SAMD8: variants seen among roughly 807,000 people sequenced by gnomAD.
SAMD8 encodes sterile alpha motif domain containing 8, also known as sphingomyelin synthase-related protein 1.
A neutral mutation model predicts 42.0 loss-of-function variants in SAMD8; 20 were observed. The observed-to-expected ratio is 0.48, with a 90% CI of 0.34 to 0.69. The LOEUF (loss-of-function observed/expected upper bound fraction) is 0.69, where lower values mean the gene tolerates loss of function less well. Among genes scored for constraint, SAMD8 ranks in the 30% least tolerant of loss-of-function variants. The pLI, the probability that SAMD8 is intolerant of heterozygous loss-of-function variation, is 0.01. For synonymous variants in SAMD8, 162 were observed against 173.0 expected (o/e 0.94, Z 0.50); for missense variants, 328 against 511.6 (o/e 0.64, Z 3.46).
rs1848832014 is a variant in SAMD8, at chr10:75,114,375, A to G, written c.-16+2653A>G. 2.0e-5 allele frequency among the ~76,000 whole-genome samples: 3 copies of G among 151,902 alleles called. No homozygotes were observed. In the South Asian group the frequency reaches 6.2e-4, roughly 32 times the overall value. Reference sequence around the variant, plus strand: ...CGGTTTCTCTAAGGCAGAAGAAGCCATCATGACTGCGATGGCAGAATATGC... The same window carrying G: ...CGGTTTCTCTAAGGCAGAAGAAGCCGTCATGACTGCGATGGCAGAATATGC... On this transcript the variant is annotated intron_variant, in intron 1 of 5. Coordinates refer to ENST00000542569, the MANE Select transcript of SAMD8 (RefSeq NM_001174156.2).
intron 3 of SAMD8, 110 bp from the exon 4 acceptor site, chr10:75,168,431 G>T (rs574770043): frequency 1.3e-6 from 2 of 1,518,504 alleles, no homozygotes; most frequent in South Asian, 1.3e-5. Flanking sequence ...CCTCTTCAAA[G>T]AGTCTAGTGA....
chr10:75,173,982 A>T (rs557003198), intron 4 of SAMD8, among the ~76,000 whole-genome samples: 1 of 152,374 alleles, frequency 6.6e-6, no homozygotes, highest in Non-Finnish European at 1.5e-5. Flanking sequence ...TAACATATAA[A>T]GCACTTAGCA....
At chr10:75,145,387 T>C (rs558644681) in intron 1 of SAMD8, among the ~76,000 whole-genome samples, 1 of 152,386 alleles carries the variant, frequency 6.6e-6, no homozygotes, top group Admixed American at 6.5e-5. Context: ...AGTGATACTT[T>C]CCTGCTTCTT....
chr10:75,181,700 G>A lies in SAMD8; in HGVS notation c.*5008G>A, dbSNP rs1423169777. 1 of 152,170 alleles carries A rather than the reference G, an allele frequency of 6.6e-6. No individual in the cohort carries two copies. Among genetic ancestry groups the A allele is most frequent in the African/African-American group, 2.4e-5 (1 of 41,428 alleles). The allele number at this position is 152,170 out of a possible 1,614,324, so 9.4% of individuals were successfully genotyped here. On this transcript the variant is annotated 3_prime_UTR_variant, in exon 6 of 6. Coordinates refer to ENST00000542569, the MANE Select transcript of SAMD8 (RefSeq NM_001174156.2). Reference sequence around the variant, plus strand: ...GGTCTCTTTCAATCTGAAGAACTGGGTTGTCTGGAGAATTGAACATAGCCA... The same window carrying A: ...GGTCTCTTTCAATCTGAAGAACTGGATTGTCTGGAGAATTGAACATAGCCA...
intron 4 of SAMD8, among the ~76,000 whole-genome samples, chr10:75,173,837 A>G (rs182290128): frequency 1.3e-5 from 2 of 152,162 alleles, no homozygotes; most frequent in African/African-American, 4.8e-5. Flanking sequence ...TCTTTAAGAC[A>G]TAGGGCTTTG....
chr10:75,105,705 C>T (rs373934068), intron 1 of SAMD8: 9 of 1,551,966 alleles, frequency 5.8e-6, no homozygotes, highest in Admixed American at 1.9e-5. Context: ...GCTGGTCCAG[C>T]CTGCAGAGCT....
At chr10:75,167,175 A>G (rs561554770) in intron 3 of SAMD8, among the ~76,000 whole-genome samples, 2 of 152,264 alleles carry the variant, frequency 1.3e-5, no homozygotes, top group East Asian at 3.9e-4. Flanking sequence ...TTTTTAAAAC[A>G]TAGTGTTTTA....
intron 4 of SAMD8, among the ~76,000 whole-genome samples, chr10:75,169,169 C>CAAAAAA (rs1023080854): frequency 6.6e-5 from 2 of 30,236 alleles, no homozygotes; most frequent in East Asian, 1.5e-3. Context: ...GACTCCATCT[C>CAAAAAA]AAAAAAAAAA....
intron 4 of SAMD8, among the ~76,000 whole-genome samples, chr10:75,169,169 CAAAAAAAAAAA>C (rs1023080854): frequency 1.7e-4 from 5 of 30,236 alleles, no homozygotes; most frequent in Non-Finnish European, 2.2e-4. Flanking sequence ...GACTCCATCT[CAAAAAAAAAAA>C]AAAAAAAAAA....
chr10:75,104,568 G>T (rs1000275529), intron 1 of SAMD8, among the ~76,000 whole-genome samples: 2 of 152,186 alleles, frequency 1.3e-5, no homozygotes, highest in African/African-American at 4.8e-5. Flanking sequence ...CTGATGCTCC[G>T]CCAGGTTCCT....
chr10:75,135,200 C>T (rs931120436), intron 1 of SAMD8, among the ~76,000 whole-genome samples: 1 of 152,184 alleles, frequency 6.6e-6, no homozygotes, highest in African/African-American at 2.4e-5. Context: ...TGCCTGTAAT[C>T]CCAGCACTTT....
At chr10:75,161,422 G>A (rs769272229) in intron 2 of SAMD8, among the ~76,000 whole-genome samples, 2 of 152,040 alleles carry the variant, frequency 1.3e-5, no homozygotes, top group Non-Finnish European at 2.9e-5. Context: ...CCCTGAGTGC[G>A]CAGAGAAACC....
intron 1 of SAMD8, among the ~76,000 whole-genome samples, chr10:75,144,155 G>A (rs1840083956): frequency 6.6e-6 from 1 of 151,752 alleles, no homozygotes; most frequent in South Asian, 2.1e-4. Context: ...TTTTAGTGGA[G>A]ATGGGGTTTT....
intron 1 of SAMD8, among the ~76,000 whole-genome samples, chr10:75,146,186 A>G (rs992760955): frequency 2.0e-5 from 3 of 148,608 alleles, no homozygotes; most frequent in Non-Finnish European, 4.5e-5. Flanking sequence ...TGGCTGGGAA[A>G]CTCAAGGCCG....
intron 2 of SAMD8, among the ~76,000 whole-genome samples, chr10:75,152,154 T>G (rs919463702): frequency 2.0e-5 from 3 of 151,244 alleles, no homozygotes; most frequent in African/African-American, 7.3e-5. Context: ...AGAGGACAAG[T>G]GGATTCAGTG....
At chr10:75,108,038 G>A (rs925534110), upstream of SAMD8, 2 of 1,613,858 alleles carry the variant, frequency 1.2e-6, no homozygotes, top group Non-Finnish European at 1.7e-6. Context: ...CCGCAGAGGA[G>A]AAGTAGGCAC....
At position 75,122,747 on chromosome 10, in the gene SAMD8, C is replaced by T. The variant is rs369979696; in HGVS notation, c.-16+11025C>T. ...TAGCCTGGGCAACATAGCAAGACCC[C>T]GTCTCTTACCCCTTCCCCAAAAAAT... is the stretch of plus-strand genomic sequence containing the variant. On this transcript the variant is annotated intron_variant, in intron 1 of 5. Transcript: ENST00000542569. Among the ~76,000 whole-genome samples the T allele has an allele frequency of 2.2e-4, 33 of 152,198 alleles. No individual in the cohort carries two copies. In the South Asian group the frequency reaches 5.0e-3, roughly 23 times the overall value.
chr10:75,123,545 A>G (rs1454411761), intron 1 of SAMD8, among the ~76,000 whole-genome samples: 2 of 152,148 alleles, frequency 1.3e-5, no homozygotes, highest in Non-Finnish European at 1.5e-5. Context: ...TTAAAAATCA[A>G]GGCTCTCCAT....
intron 2 of SAMD8, among the ~76,000 whole-genome samples, chr10:75,162,505 CG>C (rs1311894520): frequency 6.6e-6 from 1 of 151,494 alleles, no homozygotes; most frequent in Admixed American, 6.6e-5. Flanking sequence ...CACAATTAGC[CG>C]GGCCTGGTGC....
Sources: gnomAD v4.1 joint callset for allele counts (sites outside exome capture counted in the v4.1 genomes callset) on GRCh38, gnomAD v4.1.1 for gene constraint, MANE v1.5 for transcripts, NCBI Gene and HGNC (gene_info 2026-07-23, HGNC 2026-07-21) for gene names.